Variants in SLC13A3 observed in about 807,000 individuals in gnomAD.
SLC13A3 encodes the protein solute carrier family 13 member 3, also known as Na(+)/dicarboxylate cotransporter 3.
Under a neutral mutation model 59.0 loss-of-function variants are expected in SLC13A3, and 40 were observed. The observed-to-expected ratio is 0.68, with a 90% confidence interval of 0.53 to 0.88. The LOEUF (loss-of-function observed/expected upper bound fraction) is 0.88. SLC13A3 is among the 40% of genes least tolerant of loss of function. The pLI is 0.00. For synonymous variants in SLC13A3, 317 were observed against 330.3 expected, an observed-to-expected ratio of 0.96 and a Z score of 0.44; for missense variants, 699 against 783.2, an observed-to-expected ratio of 0.89 and a Z score of 1.28.
At chr20:46,587,022 T>A (rs919010687) in intron 8 of SLC13A3, among the ~76,000 whole-genome samples, 1 of 152,234 alleles carries the variant, frequency 6.6e-6, no homozygotes, top group African/African-American at 2.4e-5. Context: ...GTCTTTTGAT[T>A]TTTCCGCAGC....
intron 1 of SLC13A3, among the ~76,000 whole-genome samples, chr20:46,637,218 G>T (rs1243153730): frequency 6.6e-6 from 1 of 152,172 alleles, no homozygotes; most frequent in Admixed American, 6.5e-5. Flanking sequence ...AGGGGAAGCT[G>T]GTCCTGGGGG....
At chr20:46,666,010 G>C (rs1164494461) in intron 1 of SLC13A3, among the ~76,000 whole-genome samples, 1 of 152,220 alleles carries the variant, frequency 6.6e-6, no homozygotes, top group Non-Finnish European at 1.5e-5. Flanking sequence ...TAACAGCAGA[G>C]GTGGTAGGAA....
chr20:46,651,576 C>T, upstream of SLC13A3: 3 of 1,300,974 alleles, frequency 2.3e-6, no homozygotes, highest in South Asian at 2.2e-5. Flanking sequence ...GCCTGCGCCC[C>T]TGGGACCGGG....
chr20:46,651,677 C>G (rs751433035), upstream of SLC13A3, among the ~76,000 whole-genome samples: 1 of 152,248 alleles, frequency 6.6e-6, no homozygotes, highest in Non-Finnish European at 1.5e-5. Context: ...TGCCTCTTGG[C>G]TTCCCAGCAA....
intron 9 of SLC13A3, among the ~76,000 whole-genome samples, chr20:46,576,186 G>T (rs2062074543): frequency 2.0e-5 from 3 of 151,938 alleles, no homozygotes; most frequent in South Asian, 4.2e-4. Context: ...TTCTGCAGGG[G>T]GTTAGCGAGT....
At chr20:46,579,479 A>C (rs2146105783) in intron 9 of SLC13A3, among the ~76,000 whole-genome samples, 1 of 152,302 alleles carries the variant, frequency 6.6e-6, no homozygotes, top group Admixed American at 6.5e-5. Context: ...CTCTCTATGG[A>C]AACTTACTGA....
At chr20:46,631,164 C>T (rs1273858138) in intron 1 of SLC13A3, among the ~76,000 whole-genome samples, 3 of 152,082 alleles carry the variant, frequency 2.0e-5, no homozygotes, top group Non-Finnish European at 4.4e-5. Flanking sequence ...CCAGGGGACA[C>T]GTTTTAGTCT....
intron 8 of SLC13A3, 144 bp from the exon 9 acceptor site, chr20:46,583,813 C>T: frequency 6.8e-7 from 1 of 1,476,278 alleles, no homozygotes; most frequent in Non-Finnish European, 9.0e-7. Context: ...TGGATTCTGT[C>T]CTTCAGTGCG....
chr20:46,641,401 C>T (rs992353412), intron 1 of SLC13A3, among the ~76,000 whole-genome samples: 1 of 152,128 alleles, frequency 6.6e-6, no homozygotes, highest in Non-Finnish European at 1.5e-5. Context: ...GAGAGGCAGA[C>T]ACTAGACAAA....
At chr20:46,653,103 T>C (rs532700478), upstream of SLC13A3, among the ~76,000 whole-genome samples, 27 of 152,306 alleles carry the variant, frequency 1.8e-4, no homozygotes, top group African/African-American at 5.3e-4. Context: ...CTTGTATTAT[T>C]TGGTTTTTTA....
At chr20:46,663,223 C>T (rs1311763315) in intron 1 of SLC13A3, among the ~76,000 whole-genome samples, 1 of 151,802 alleles carries the variant, frequency 6.6e-6, no homozygotes, top group Admixed American at 6.6e-5. Flanking sequence ...GCAGGAGGAC[C>T]GTTTGAGCTC....
intron 3 of SLC13A3, among the ~76,000 whole-genome samples, chr20:46,607,079 G>A (rs2062443848): frequency 6.6e-6 from 1 of 152,236 alleles, no homozygotes; most frequent in African/African-American, 2.4e-5. Flanking sequence ...TCTGGATTCT[G>A]ACAGAGCTCA....
chr20:46,583,470 A>G (rs1293929018), intron 9 of SLC13A3, 102 bp downstream of exon 9: 2 of 1,522,802 alleles, frequency 1.3e-6, no homozygotes, highest in Admixed American at 2.2e-5. Flanking sequence ...AGCAGGAAGG[A>G]CCACGTGGTT....
intron 10 of SLC13A3, among the ~76,000 whole-genome samples, chr20:46,569,570 T>C (rs968103826): frequency 7.9e-5 from 12 of 152,164 alleles, no homozygotes; most frequent in Admixed American, 2.0e-4. Flanking sequence ...AGAAGGTTAT[T>C]GTTGGGAGAA....
intron 1 of SLC13A3, among the ~76,000 whole-genome samples, chr20:46,659,740 A>C (rs544637343): frequency 6.7e-6 from 1 of 148,566 alleles, no homozygotes; most frequent in African/African-American, 2.4e-5. Flanking sequence ...AAAAAGAAAA[A>C]ACAAAGAAAG....
intron 10 of SLC13A3, among the ~76,000 whole-genome samples, chr20:46,568,801 G>A (rs1212255694): frequency 1.3e-5 from 2 of 152,234 alleles, no homozygotes; most frequent in Non-Finnish European, 2.9e-5. Flanking sequence ...GAGAAGCCAG[G>A]AGCTGCCCCG....
chr20:46,625,583 A>G (rs975879805), intron 1 of SLC13A3, among the ~76,000 whole-genome samples: 3 of 152,356 alleles, frequency 2.0e-5, no homozygotes, highest in Non-Finnish European at 2.9e-5. Flanking sequence ...GGACATTTAC[A>G]TCTCCCCAGA....
At chr20:46,593,573 A>T (rs963929189) in intron 5 of SLC13A3, among the ~76,000 whole-genome samples, 1 of 152,310 alleles carries the variant, frequency 6.6e-6, no homozygotes, top group African/African-American at 2.4e-5. Flanking sequence ...ATGAATAAGT[A>T]TACCTCTATA....
At chr20:46,582,713 T>C in intron 9 of SLC13A3, 2 of 985,332 alleles carry the variant, frequency 2.0e-6, no homozygotes, top group Non-Finnish European at 2.4e-6. Flanking sequence ...GACTCTTCCA[T>C]GGCTGGGGCT....
Sources: gnomAD v4.1 joint callset for allele counts (sites outside exome capture counted in the v4.1 genomes callset) on GRCh38, gnomAD v4.1.1 for gene constraint, MANE v1.5 for transcripts, NCBI Gene and HGNC (gene_info 2026-07-23, HGNC 2026-07-21) for gene names.